Variants in ZNF557 observed in about 807,000 individuals in gnomAD.
The protein encoded by ZNF557 is CTB-25J19.9.
In ZNF557, 19 loss-of-function variants were observed where a neutral mutation model predicts 21.2. The observed-to-expected ratio is 0.90, with a 90% CI of 0.63 to 1.32. The LOEUF is 1.32. Among genes scored for constraint, ZNF557 ranks in the 40% most tolerant of loss-of-function variants. ZNF557 has a pLI of 0.00. For synonymous variants in ZNF557, 207 were observed against 194.8 expected (o/e 1.06, Z -0.52); for missense variants, 487 against 519.8 (o/e 0.94, Z 0.61).
At chr19:7,076,781 G>A (rs998789001) in intron 5 of ZNF557, among the ~76,000 whole-genome samples, 17 of 152,008 alleles carry the variant, frequency 1.1e-4, no homozygotes, top group Non-Finnish European at 1.6e-4. Context: ...TAATCTTTCC[G>A]TCTCTATAGA....
At position 7,081,194 on chromosome 19, in the gene ZNF557, TGTGTGTGA is replaced by T. The variant is rs1308556076; in HGVS notation, c.248-161_248-154del. ...GTGTGTGTGTGTGTGTGTGTGTGTG[TGTGTGTGA>T]GTGTTTAAGACGGTTGCTATATTTA... On this transcript the variant is annotated intron_variant, in intron 5 of 7. Transcript: ENST00000252840. Among the ~76,000 whole-genome samples, 219 of 37,100 alleles carry T rather than the reference TGTGTGTGA, an allele frequency of 5.9e-3. 3 individuals carry two copies. Among genetic ancestry groups the T allele is most frequent in the African/African-American group, 0.029 (164 of 5,596 alleles). The allele number at this position is 37,100 out of a possible 152,430, so 24.3% of individuals were successfully genotyped here.
intron 5 of ZNF557, among the ~76,000 whole-genome samples, chr19:7,079,687 G>A (rs1407919016): frequency 1.3e-5 from 2 of 152,064 alleles, no homozygotes; most frequent in African/African-American, 4.8e-5. Flanking sequence ...TGACATTTCT[G>A]AACTAATTTT....
In ZNF557 at chr19:7,087,148, C is replaced by T. The variant is rs1342693638; in HGVS notation, c.*3404C>T. On this transcript the variant is annotated 3_prime_UTR_variant, in exon 8 of 8. Coordinates refer to ENST00000252840, the MANE Select transcript of ZNF557 (RefSeq NM_024341.3). Reference sequence around the variant, plus strand: ...GAGACACCGTCTGGCTTATTCTCATCTATTTTCTTTTCATTCTTTTGGAAA... The same window carrying T: ...GAGACACCGTCTGGCTTATTCTCATTTATTTTCTTTTCATTCTTTTGGAAA... 9.6e-6 allele frequency: 1 copy of T among 104,222 alleles called. No homozygotes were observed. The allele number at this position is 104,222 out of a possible 1,614,324, so 6.5% of individuals were successfully genotyped here.
At position 7,081,451 on chromosome 19, in the gene ZNF557, T is replaced by C; in HGVS notation, c.339T>C (p.Cys113=). ...AGAGAGGAATTCTCTCAGGTACCTG[T>C]CCAGGTGAGCACCAGGTGGATATAA... is the stretch of plus-strand genomic sequence containing the variant. ...TEERGILSGT[C]PDVENPFKAK... Residue 113 remains cysteine (C), a synonymous_variant, in exon 6 of 8, where the codon TGT becomes TGC. Coordinates refer to ENST00000252840, the MANE Select transcript of ZNF557 (RefSeq NM_024341.3). 1.9e-6 allele frequency: 3 copies of C among 1,609,894 alleles called. No homozygotes were observed. Among genetic ancestry groups the C allele is most frequent in the Non-Finnish European group, 2.5e-6 (3 of 1,176,698 alleles).
At chr19:7,074,461 A>C (rs913404526) in intron 2 of ZNF557, among the ~76,000 whole-genome samples, 1 of 151,370 alleles carries the variant, frequency 6.6e-6, no homozygotes, top group African/African-American at 2.4e-5. Flanking sequence ...TGATATCTAG[A>C]GATCTTCTCT....
chr19:7,073,336 A>G (rs1053390417), intron 2 of ZNF557, among the ~76,000 whole-genome samples: 1 of 151,868 alleles, frequency 6.6e-6, no homozygotes, highest in African/African-American at 2.4e-5. Context: ...ATATATTTTT[A>G]GTAGAGACAA....
intron 2 of ZNF557, among the ~76,000 whole-genome samples, chr19:7,074,002 CTTT>C (rs55922947): frequency 8.2e-6 from 1 of 121,696 alleles, no homozygotes; most frequent in Non-Finnish European, 1.7e-5. Context: ...CCCTTGACCA[CTTT>C]TTTTTTTTTT....
At chr19:7,071,265 C>A (rs541613131) in intron 2 of ZNF557, among the ~76,000 whole-genome samples, 2 of 151,990 alleles carry the variant, frequency 1.3e-5, no homozygotes, top group Admixed American at 1.3e-4. Flanking sequence ...TCCTAACAGG[C>A]CTGCCAGCCT....
chr19:7,076,258 C>T, intron 4 of ZNF557, 123 bp from the exon 5 acceptor site: 1 of 1,596,124 alleles, frequency 6.3e-7, no homozygotes, highest in South Asian at 1.1e-5. Flanking sequence ...GAGAGGAGCT[C>T]AGAATCCCCC....
chr19:7,073,492 C>T (rs1455788839), intron 2 of ZNF557, among the ~76,000 whole-genome samples: 1 of 152,104 alleles, frequency 6.6e-6, no homozygotes, highest in Non-Finnish European at 1.5e-5. Context: ...AATACTAAAA[C>T]TTTCAGGCTT....
At position 7,075,705 on chromosome 19, in the gene ZNF557, G is replaced by A. The variant is rs565026462; in HGVS notation, c.82G>A (p.Gly28Arg). Reference protein sequence around the residue: ...ASQREGHTEGGELVNELLKSW... With the variant: ...ASQREGHTEGRELVNELLKSW... ...TCAGCGAGAAGGACACACAGAGGGCGGAGAGCTGGTTAATGAGCTCCTGAA... is the reference window on the plus strand; with the variant it reads ...TCAGCGAGAAGGACACACAGAGGGCAGAGAGCTGGTTAATGAGCTCCTGAA... The change falls in exon 4 of 8, where the codon GGA becomes AGA. Residue 28 changes from glycine (G) to arginine (R), a missense_variant. By Grantham distance (125) the Gly-to-Arg change is moderately radical (BLOSUM62 -2). Transcript: ENST00000252840. 67 of 1,613,700 alleles carry A rather than the reference G, an allele frequency of 4.2e-5. No individual in the cohort carries two copies. Among genetic ancestry groups the A allele is most frequent in the South Asian group, 3.5e-4 (32 of 91,082 alleles).
rs1250119226 is a variant in ZNF557, at chr19:7,083,409, T to TA, written c.959dup (p.Tyr320Ter). ...TAGCATTCATACAGGGGAGTACCCT[T>TA]ACGAATGCCACGATTGTGGGAGAAC... ...HYSIHTGEYP[Y>*]ECHDCGRTFR... Residue 320 changes from tyrosine (Y) to a stop codon, truncating the protein, a stop_gained and frameshift_variant, in exon 8 of 8, where the codon TAC becomes TAAC. Coordinates refer to ENST00000252840, the MANE Select transcript of ZNF557 (RefSeq NM_024341.3). LOFTEE classifies it low-confidence loss of function (END_TRUNC). The TA allele has an allele frequency of 6.2e-7, 1 of 1,614,180 alleles. No individual in the cohort carries two copies.
In ZNF557 at chr19:7,083,528, T is replaced by C. The variant is rs1210217776; in HGVS notation, c.1077T>C (p.Asn359=). 2 of 1,614,084 alleles carry C rather than the reference T, an allele frequency of 1.2e-6. No homozygotes were observed. Among genetic ancestry groups the C allele is most frequent in the African/African-American group, 2.7e-5 (2 of 74,932 alleles). The change falls in exon 8 of 8, where the codon AAT becomes AAC. Residue 359 remains asparagine (N), a synonymous_variant. Coordinates refer to ENST00000252840, the MANE Select transcript of ZNF557 (RefSeq NM_024341.3). ...TCNECGKSFT[N]SFSLTIHRRI... Reference sequence around the variant, plus strand: ...ATGAGTGTGGGAAATCCTTTACCAATAGCTTTTCTCTTACAATTCACAGGA... The same window carrying C: ...ATGAGTGTGGGAAATCCTTTACCAACAGCTTTTCTCTTACAATTCACAGGA...
At chr19:7,074,327 T>TACACACAC (rs1491307721) in intron 2 of ZNF557, among the ~76,000 whole-genome samples, 2 of 27,818 alleles carry the variant, frequency 7.2e-5, no homozygotes, top group South Asian at 9.7e-4. Flanking sequence ...TCTTTGTGTG[T>TACACACAC]ATATACACAC....
At chr19:7,079,073 C>T (rs1415782784) in intron 5 of ZNF557, among the ~76,000 whole-genome samples, 1 of 152,014 alleles carries the variant, frequency 6.6e-6, no homozygotes, top group African/African-American at 2.4e-5. Context: ...AATTCATTCT[C>T]ATGGTTTCCA....
At chr19:7,074,223 G>A (rs974644697) in intron 2 of ZNF557, among the ~76,000 whole-genome samples, 5 of 151,312 alleles carry the variant, frequency 3.3e-5, no homozygotes, top group African/African-American at 9.7e-5. Context: ...AGCCAGGATC[G>A]TCTCGATCTC....
intron 2 of ZNF557, among the ~76,000 whole-genome samples, chr19:7,074,510 A>C (rs983223190): frequency 6.6e-6 from 1 of 151,484 alleles, no homozygotes; most frequent in Non-Finnish European, 1.5e-5. Context: ...GCCACAGTGA[A>C]TAATCTTACA....
rs577366042 is a variant in ZNF557, at chr19:7,085,556, C to A, written c.*1812C>A. The A allele has an allele frequency of 6.6e-6, 1 of 152,276 alleles. No homozygotes were observed. Among genetic ancestry groups the A allele is most frequent in the South Asian group, 2.1e-4 (1 of 4,826 alleles). The allele number at this position is 152,276 out of a possible 1,614,324, so 9.4% of individuals were successfully genotyped here. On this transcript the variant is annotated 3_prime_UTR_variant, in exon 8 of 8. Transcript: ENST00000252840. ...AAATGTTCCTTGGATGCAATACTCA[C>A]GAGTGTATTAATTTCAGAAAAATTT...
intron 2 of ZNF557, among the ~76,000 whole-genome samples, chr19:7,074,387 A>G (rs1000605260): frequency 2.6e-5 from 4 of 151,098 alleles, no homozygotes; most frequent in African/African-American, 7.3e-5. Flanking sequence ...AAAAGGAAAC[A>G]TTCCATATAT....
Sources: gnomAD v4.1 joint callset for allele counts (sites outside exome capture counted in the v4.1 genomes callset) on GRCh38, gnomAD v4.1.1 for gene constraint, MANE v1.5 for transcripts, NCBI Gene and HGNC (gene_info 2026-07-23, HGNC 2026-07-21) for gene names.